The following CSMD1 variants were observed in gnomAD, a reference collection of about 807,000 sequenced individuals.
The protein encoded by CSMD1 is CUB and sushi domain-containing protein 1.
Under a neutral mutation model 417.5 loss-of-function variants are expected in CSMD1, and 213 were observed. The ratio of observed to expected loss-of-function variants is 0.51; its 90% CI spans 0.46 to 0.57. The LOEUF (loss-of-function observed/expected upper bound fraction) is 0.57, where lower values mean the gene tolerates loss of function less well. CSMD1 is among the 20% of genes least tolerant of loss of function. CSMD1 has a pLI of 0.00. For synonymous variants in CSMD1, 2,862 were observed against 1,736.8 expected (o/e 1.65, Z -16.11); for missense variants, 6,923 against 4,529.7 (o/e 1.53, Z -15.17).
intron 49 of CSMD1, among the ~76,000 whole-genome samples, chr8:3,065,354 A>G (rs1268562405): frequency 1.3e-5 from 2 of 152,092 alleles, no homozygotes; most frequent in South Asian, 2.1e-4. Flanking sequence ...AGATACATAG[A>G]TAAGTGGATA....
chr8:3,200,939 G>C (rs916290624), intron 32 of CSMD1, among the ~76,000 whole-genome samples: 2 of 152,148 alleles, frequency 1.3e-5, no homozygotes, highest in African/African-American at 2.4e-5. Flanking sequence ...AAATGTATCA[G>C]TACAAATAAG....
chr8:3,915,680 T>A (rs1009550258), intron 5 of CSMD1, among the ~76,000 whole-genome samples: 1 of 151,528 alleles, frequency 6.6e-6, no homozygotes, highest in Non-Finnish European at 1.5e-5. Flanking sequence ...TTACTAATAA[T>A]GTAGAACTCT....
intron 2 of CSMD1, among the ~76,000 whole-genome samples, chr8:4,431,023 G>C (rs1458190751): frequency 6.6e-6 from 1 of 152,050 alleles, no homozygotes; most frequent in African/African-American, 2.4e-5. Flanking sequence ...CTTCGCATAA[G>C]ACCTGTGCTT....
At chr8:3,635,440 C>T (rs558276604) in intron 7 of CSMD1, among the ~76,000 whole-genome samples, 92 of 151,418 alleles carry the variant, frequency 6.1e-4, no homozygotes, top group Non-Finnish European at 1.1e-3. Context: ...GCCGAGAGTG[C>T]ACCACTACAC....
At chr8:4,737,139 G>T (rs1420442782) in intron 1 of CSMD1, among the ~76,000 whole-genome samples, 1 of 149,706 alleles carries the variant, frequency 6.7e-6, no homozygotes, top group Non-Finnish European at 1.5e-5. Flanking sequence ...CCATACCATG[G>T]AATATTATGC....
intron 47 of CSMD1, among the ~76,000 whole-genome samples, chr8:3,092,673 A>C (rs6558717): frequency 7.9e-5 from 12 of 151,982 alleles, no homozygotes; most frequent in Non-Finnish European, 1.8e-4. Flanking sequence ...TAACATTGAA[A>C]GTATAGGTAA....
At chr8:3,235,388 T>C (rs528183889) in intron 26 of CSMD1, among the ~76,000 whole-genome samples, 44 of 152,324 alleles carry the variant, frequency 2.9e-4, no homozygotes, top group Non-Finnish European at 4.4e-4. Context: ...ATTTTATACA[T>C]GAATAAGAAT....
intron 3 of CSMD1, among the ~76,000 whole-genome samples, chr8:4,237,543 T>TG (rs1044671194): frequency 3.4e-4 from 52 of 151,852 alleles, no homozygotes; most frequent in East Asian, 5.8e-4. Flanking sequence ...ACTTTTTTTT[T>TG]TTTGTTTTTG....
In CSMD1 at chr8:4,298,202, T is replaced by A. The variant is rs1797789747; in HGVS notation, c.415+121751A>T. Among the ~76,000 whole-genome samples the A allele has an allele frequency of 2.0e-5, 3 of 152,122 alleles. No individual in the cohort carries two copies. The South Asian group carries it at 6.2e-4, about 32-fold the overall frequency. ...AGGAATCTGCCTTAGTTAAATGAAG[T>A]TTCCAAAATAATGCCAATCTTTGCT... is the stretch of plus-strand genomic sequence containing the variant. On this transcript the variant is annotated intron_variant, in intron 3 of 69. Coordinates refer to ENST00000635120, the MANE Select transcript of CSMD1 (RefSeq NM_033225.6).
At chr8:4,898,458 G>A (rs575057385) in intron 1 of CSMD1, among the ~76,000 whole-genome samples, 161 of 151,568 alleles carry the variant, frequency 1.1e-3, no homozygotes, top group Middle Eastern at 3.4e-3. Context: ...TGTAGAAAGT[G>A]TAAGTGAGAG....
intron 59 of CSMD1, 75 bp downstream of exon 59, chr8:2,965,700 G>A: frequency 1.5e-6 from 2 of 1,367,820 alleles, no homozygotes; most frequent in East Asian, 2.5e-5. Flanking sequence ...ATAAATGCTT[G>A]CAAAATTAAA....
rs1041317158 is a variant in CSMD1, at chr8:3,291,359, TC to T, written c.3951-7014del. Among the ~76,000 whole-genome samples the T allele has an allele frequency of 7.3e-3, 204 of 27,756 alleles. 1 individual carries two copies. Among genetic ancestry groups the T allele is most frequent in the African/African-American group, 0.015 (133 of 8,716 alleles). 18.2% of individuals were successfully genotyped at this position (27,756 alleles called of 152,430 possible). A position where few individuals can be genotyped will look rare whatever the true frequency, so the allele number is the denominator to read the frequency against. ...CCCCATAAAATAAGTTAGGGAGGATTCCCATCTTTTTCTTTTGATTGGAATA... is the reference window on the plus strand; with the variant it reads ...CCCCATAAAATAAGTTAGGGAGGATTCCATCTTTTTCTTTTGATTGGAATA... On this transcript the variant is annotated intron_variant, in intron 25 of 69. Transcript: ENST00000635120.
At chr8:4,212,547 T>C (rs909268761) in intron 3 of CSMD1, among the ~76,000 whole-genome samples, 1 of 152,102 alleles carries the variant, frequency 6.6e-6, no homozygotes, top group Non-Finnish European at 1.5e-5. Context: ...TGTAGCCTTT[T>C]TTTTTCTAAA....
At chr8:4,402,441 A>C (rs2128929617) in intron 3 of CSMD1, among the ~76,000 whole-genome samples, 1 of 152,258 alleles carries the variant, frequency 6.6e-6, no homozygotes, top group African/African-American at 2.4e-5. Context: ...GAGTGACTGG[A>C]AGATAGCATG....
intron 3 of CSMD1, among the ~76,000 whole-genome samples, chr8:4,108,906 A>T (rs978512478): frequency 6.6e-5 from 10 of 152,178 alleles, no homozygotes; most frequent in African/African-American, 1.7e-4. Context: ...GAAATCATTT[A>T]AAAAACTGTG....
rs1563179938 is a variant in CSMD1, at chr8:2,957,787, GA to G, written c.9722del (p.Phe3241SerfsTer21). 5 of 1,586,600 alleles carry G rather than the reference GA, an allele frequency of 3.2e-6. No individual in the cohort carries two copies. Among genetic ancestry groups the G allele is most frequent in the African/African-American group, 1.3e-5 (1 of 74,634 alleles). On this transcript the variant is annotated frameshift_variant, in exon 63 of 70. Transcript: ENST00000635120. LOFTEE classifies it high-confidence loss of function. The part of the protein sequence containing the change: ...RGYEVGSTVF[F>X]RCRKGYHIQG... ...GAATATGGTAGCCTTTTCTGCACCT[GA>G]AAAAAACCGTGCTTCCAACCTAGAG...
At chr8:4,989,950 C>A (rs1181917804) in intron 1 of CSMD1, among the ~76,000 whole-genome samples, 1 of 152,214 alleles carries the variant, frequency 6.6e-6, no homozygotes, top group South Asian at 2.1e-4. Context: ...GGAGGAGCTG[C>A]TTTCGCCTGT....
chr8:4,406,317 T>A (rs908615901), intron 3 of CSMD1, among the ~76,000 whole-genome samples: 1 of 152,110 alleles, frequency 6.6e-6, no homozygotes, highest in Non-Finnish European at 1.5e-5. Context: ...GGGCTTCCAG[T>A]TGTGAATTCA....
intron 5 of CSMD1, among the ~76,000 whole-genome samples, chr8:3,754,790 C>T (rs901059493): frequency 3.9e-5 from 6 of 152,124 alleles, no homozygotes; most frequent in African/African-American, 7.2e-5. Context: ...CTGAAGTAGA[C>T]GCCAACAAAC....
Sources: gnomAD v4.1 joint callset for allele counts (sites outside exome capture counted in the v4.1 genomes callset) on GRCh38, gnomAD v4.1.1 for gene constraint, MANE v1.5 for transcripts, NCBI Gene and HGNC (gene_info 2026-07-23, HGNC 2026-07-21) for gene names.